The following ZZEF1 variants were observed in gnomAD, a reference collection of about 807,000 sequenced individuals.
ZZEF1 encodes the protein zinc finger ZZ-type and EF-hand domain containing 1.
In ZZEF1, 157 loss-of-function variants were observed where a neutral mutation model predicts 342.8. The ratio of observed to expected loss-of-function variants is 0.46; its 90% CI spans 0.40 to 0.52. The LOEUF (loss-of-function observed/expected upper bound fraction) is 0.52. ZZEF1 is among the 20% of genes least tolerant of loss of function. The pLI is 0.00. For missense variants in ZZEF1, 3,480 were observed against 3,725.6 expected (o/e 0.93, Z 1.72); for synonymous variants, 1,505 against 1,429.1 (o/e 1.05, Z -1.20).
At chr17:4,105,918 T>A in intron 6 of ZZEF1, 109 bp from the exon 7 acceptor site, 2 of 827,288 alleles carry the variant, frequency 2.4e-6, no homozygotes, top group South Asian at 3.6e-5. Flanking sequence ...ACAGACAGTG[T>A]TCCCACAGAG....
chr17:4,064,073 G>A (rs1322331975), intron 29 of ZZEF1, among the ~76,000 whole-genome samples: 5 of 150,376 alleles, frequency 3.3e-5, no homozygotes, highest in Non-Finnish European at 5.9e-5. Flanking sequence ...AGGGGGGGGG[G>A]TCTCACTATG....
At chr17:4,138,120 C>T (rs986617504) in intron 1 of ZZEF1, among the ~76,000 whole-genome samples, 1 of 152,142 alleles carries the variant, frequency 6.6e-6, no homozygotes, top group Non-Finnish European at 1.5e-5. Flanking sequence ...GGGCTTCAAC[C>T]GATTCAGACA....
At chr17:4,086,750 A>G (rs926999122) in intron 14 of ZZEF1, 95 bp from the exon 15 acceptor site, 33 of 1,247,254 alleles carry the variant, frequency 2.6e-5, no homozygotes, top group Non-Finnish European at 3.3e-5. Context: ...TCCTCTAGGC[A>G]TCAGGCTCGA....
At position 4,027,594 on chromosome 17, in the gene ZZEF1, C is replaced by CTTTT. The variant is rs35210596; in HGVS notation, c.6893-2480_6893-2477dup. On this transcript the variant is annotated intron_variant, in intron 42 of 54. Coordinates refer to ENST00000381638, the MANE Select transcript of ZZEF1 (RefSeq NM_015113.4). ...ACAGGCATGAGCCACTGTGCCCTGC[C>CTTTT]TTTTTTTTTTTTTTTTTTTTAAAGA... 1.7e-3 allele frequency among the ~76,000 whole-genome samples: 198 copies of CTTTT among 119,694 alleles called. 2 individuals carry two copies. The highest frequency in any genetic ancestry group is 5.1e-3 in the African/African-American group (151 of 29,388). 78.5% of individuals were successfully genotyped at this position (119,694 alleles called of 152,430 possible). A position where few individuals can be genotyped will look rare whatever the true frequency, so the allele number is the denominator to read the frequency against.
At chr17:4,104,596 T>G in intron 8 of ZZEF1, 37 bp downstream of exon 8, 1 of 1,607,560 alleles carries the variant, frequency 6.2e-7, no homozygotes, top group Non-Finnish European at 8.5e-7. Flanking sequence ...TGTCCACTGT[T>G]GACATTTCTA....
At chr17:4,120,997 C>T (rs2058473963) in intron 2 of ZZEF1, among the ~76,000 whole-genome samples, 1 of 152,094 alleles carries the variant, frequency 6.6e-6, no homozygotes, top group Non-Finnish European at 1.5e-5. Flanking sequence ...AAATTCCCAC[C>T]ACCAAAGCAA....
chr17:4,125,949 G>C (rs575184685), intron 1 of ZZEF1, among the ~76,000 whole-genome samples: 1 of 152,086 alleles, frequency 6.6e-6, no homozygotes, highest in East Asian at 1.9e-4. Flanking sequence ...TTAGGAGGCC[G>C]GGCGCGGTGG....
intron 13 of ZZEF1, among the ~76,000 whole-genome samples, chr17:4,088,449 G>A (rs1309744271): frequency 2.0e-5 from 3 of 152,174 alleles, no homozygotes; most frequent in Non-Finnish European, 4.4e-5. Context: ...TCCGGGAGAA[G>A]CCACAATGAT....
chr17:4,055,850 T>C (rs113384728), intron 33 of ZZEF1, among the ~76,000 whole-genome samples: 1 of 152,190 alleles, frequency 6.6e-6, no homozygotes, highest in Non-Finnish European at 1.5e-5. Context: ...AGACAATTTC[T>C]GCACAGGACT....
chr17:4,100,857 A>AT (rs1320433970), intron 9 of ZZEF1, among the ~76,000 whole-genome samples: 3 of 152,186 alleles, frequency 2.0e-5, no homozygotes, highest in Non-Finnish European at 4.4e-5. Context: ...AAATAAAGAA[A>AT]TAAAAAATCC....
At chr17:4,105,626 A>T in intron 7 of ZZEF1, 67 bp downstream of exon 7, 1 of 1,183,046 alleles carries the variant, frequency 8.5e-7, no homozygotes, top group Non-Finnish European at 1.2e-6. Context: ...TATATTTTTT[A>T]AAGACTTAAC....
intron 33 of ZZEF1, 124 bp from the exon 34 acceptor site, chr17:4,054,319 G>T: frequency 1.9e-6 from 2 of 1,071,390 alleles, no homozygotes; most frequent in East Asian, 2.6e-5. Context: ...GCTAGGATTT[G>T]ATAATGAATA....
chr17:4,060,198 A>G (rs2057254042), intron 30 of ZZEF1, among the ~76,000 whole-genome samples: 1 of 152,242 alleles, frequency 6.6e-6, no homozygotes. Context: ...ATTTGCAACC[A>G]TAATGATCAA....
At position 4,016,274 on chromosome 17, in the gene ZZEF1, G is replaced by T. The variant is rs377082049; in HGVS notation, c.8145+49C>A. On this transcript the variant is annotated intron_variant, in intron 49 of 54. Transcript: ENST00000381638. This position sits in a 1 kb window ranked among gnomAD's most constrained non-coding sequence, Gnocchi z 4.4. ...GGCTGAGCACGGAGGGGCTGACGAG[G>T]TCTCTGCGGCTCAGTCGCTCTTATG... 6.6e-5 allele frequency: 104 copies of T among 1,576,732 alleles called. No homozygotes were observed. Among genetic ancestry groups the T allele is most frequent in the Middle Eastern group, 3.5e-4 (2 of 5,668 alleles).
intron 37 of ZZEF1, 115 bp downstream of exon 37, chr17:4,049,593 C>G: frequency 7.4e-6 from 9 of 1,218,608 alleles, no homozygotes; most frequent in Non-Finnish European, 9.2e-6. Flanking sequence ...GCATGTGAAT[C>G]CAGCAGTCTG....
chr17:4,128,478 G>GACA (rs1370976030), intron 1 of ZZEF1, among the ~76,000 whole-genome samples: 7 of 126,126 alleles, frequency 5.6e-5, no homozygotes, highest in Non-Finnish European at 9.9e-5. Context: ...TTTTAAATTT[G>GACA]ACACAGAGTT....
chr17:4,086,111 T>C (rs2057814016), intron 15 of ZZEF1, among the ~76,000 whole-genome samples: 1 of 152,212 alleles, frequency 6.6e-6, no homozygotes, highest in Admixed American at 6.5e-5. Flanking sequence ...ATCAGCCTCA[T>C]CTGAGTGACT....
Position 4,016,482 on chromosome 17 carries a change from C to A in ZZEF1, c.8002-16G>T. Reference sequence around the variant, plus strand: ...TCTGCAGGATCTGGTGGGAAGCAGACAGATAAGGTCAGGGCCTGCAAGTGG... The same window carrying A: ...TCTGCAGGATCTGGTGGGAAGCAGAAAGATAAGGTCAGGGCCTGCAAGTGG... On this transcript the variant is annotated splice_polypyrimidine_tract_variant and intron_variant, in intron 48 of 54. Transcript: ENST00000381638. This position sits in a 1 kb window ranked among gnomAD's most constrained non-coding sequence, Gnocchi z 4.4. The A allele has an allele frequency of 6.2e-7, 1 of 1,600,226 alleles. No individual in the cohort carries two copies. Among genetic ancestry groups the A allele is most frequent in the Non-Finnish European group, 8.5e-7 (1 of 1,176,854 alleles).
intron 5 of ZZEF1, 85 bp from the exon 6 acceptor site, chr17:4,109,948 A>T (rs2058270633): frequency 1.5e-6 from 2 of 1,319,200 alleles, no homozygotes; most frequent in Non-Finnish European, 2.1e-6. Context: ...AAATAGTAAT[A>T]GACATTTTGA....
Sources: allele counts gnomAD v4.1 joint callset (sites outside exome capture counted in the v4.1 genomes callset), GRCh38; gene constraint gnomAD v4.1.1; non-coding constraint Gnocchi (gnomAD v3.1); transcripts MANE v1.5; gene names NCBI Gene and HGNC (gene_info 2026-07-23, HGNC 2026-07-21).